Variants in KCNH8 observed in about 807,000 individuals in gnomAD.
KCNH8 encodes voltage-gated delayed rectifier potassium channel KCNH8.
A neutral mutation model predicts 103.6 loss-of-function variants in KCNH8; 70 were observed. The ratio of observed to expected loss-of-function variants is 0.68; its 90% CI spans 0.56 to 0.82. The LOEUF is 0.82. KCNH8 is among the 40% of genes least tolerant of loss of function. KCNH8 has a pLI of 0.00. For missense variants in KCNH8, 1,217 were observed against 1,329.9 expected, an observed-to-expected ratio of 0.92 and a Z score of 1.32; for synonymous variants, 498 against 489.4, an observed-to-expected ratio of 1.02 and a Z score of -0.23.
intron 7 of KCNH8, among the ~76,000 whole-genome samples, chr3:19,422,905 C>T (rs768008207): frequency 7.2e-5 from 11 of 151,974 alleles, no homozygotes; most frequent in Non-Finnish European, 1.3e-4. Flanking sequence ...AAATGAAAAA[C>T]GGATAACCTA....
At chr3:19,486,243 G>C (rs2068205327) in intron 11 of KCNH8, among the ~76,000 whole-genome samples, 1 of 152,218 alleles carries the variant, frequency 6.6e-6, no homozygotes, top group Admixed American at 6.5e-5. Context: ...TGCTCAACCA[G>C]CCTTTCTGAT....
intron 8 of KCNH8, among the ~76,000 whole-genome samples, chr3:19,444,686 G>GA (rs200506005): frequency 0.017 from 2,547 of 151,446 alleles, 80 homozygotes; most frequent in African/African-American, 0.059. Flanking sequence ...GCAAAAGCTT[G>GA]AAAAAAACAC....
intron 11 of KCNH8, among the ~76,000 whole-genome samples, chr3:19,506,893 TCTTTC>T (rs1207846861): frequency 6.6e-6 from 1 of 152,024 alleles, no homozygotes; most frequent in African/African-American, 2.4e-5. Context: ...CAGACTGGCC[TCTTTC>T]CTTAGGGCAA....
intron 8 of KCNH8, among the ~76,000 whole-genome samples, chr3:19,448,114 T>A (rs2067389837): frequency 6.6e-6 from 1 of 151,964 alleles, no homozygotes; most frequent in African/African-American, 2.4e-5. Flanking sequence ...GAAAATTACA[T>A]AAACTGAGCA....
chr3:19,226,486 C>T (rs541667616), intron 1 of KCNH8, among the ~76,000 whole-genome samples: 1 of 152,174 alleles, frequency 6.6e-6, no homozygotes, highest in East Asian at 1.9e-4. Flanking sequence ...AAGGTCTTGA[C>T]AGTAAGAGAC....
chr3:19,280,979 ATACT>A (rs2064749145), intron 2 of KCNH8, among the ~76,000 whole-genome samples: 1 of 152,114 alleles, frequency 6.6e-6, no homozygotes, highest in Non-Finnish European at 1.5e-5. Context: ...TTTGTTTAAA[ATACT>A]TCTTTATTTT....
At chr3:19,237,856 A>G (rs2064085682) in intron 1 of KCNH8, among the ~76,000 whole-genome samples, 2 of 152,232 alleles carry the variant, frequency 1.3e-5, no homozygotes, top group Admixed American at 6.5e-5. Flanking sequence ...TTACATATCC[A>G]TTGCTTAAGA....
intron 3 of KCNH8, among the ~76,000 whole-genome samples, chr3:19,288,328 A>G (rs2064866591): frequency 6.6e-6 from 1 of 151,222 alleles, no homozygotes; most frequent in Non-Finnish European, 1.5e-5. Flanking sequence ...TGCTGCACCC[A>G]TTAACTCGTC....
At chr3:19,172,833 C>T (rs1482474015) in intron 1 of KCNH8, among the ~76,000 whole-genome samples, 1 of 152,078 alleles carries the variant, frequency 6.6e-6, no homozygotes, top group Non-Finnish European at 1.5e-5. Context: ...TTCCCCCTTC[C>T]CCCCACCAGT....
intron 1 of KCNH8, among the ~76,000 whole-genome samples, chr3:19,226,213 G>A (rs1047500727): frequency 6.6e-6 from 1 of 152,166 alleles, no homozygotes; most frequent in African/African-American, 2.4e-5. Context: ...TGGCAAAACA[G>A]CTTTAGGCAA....
At chr3:19,336,907 G>A (rs1374399022) in intron 3 of KCNH8, among the ~76,000 whole-genome samples, 1 of 151,944 alleles carries the variant, frequency 6.6e-6, no homozygotes, top group East Asian at 1.9e-4. Flanking sequence ...AACCTAAAAT[G>A]ACAACTGGAG....
At chr3:19,490,736 T>C (rs181129403) in intron 11 of KCNH8, among the ~76,000 whole-genome samples, 179 of 152,302 alleles carry the variant, frequency 1.2e-3, no homozygotes, top group African/African-American at 4.2e-3. Flanking sequence ...CCCTGGGCAA[T>C]AGTGTTTCTA....
At chr3:19,417,716 C>A (rs574018136) in intron 7 of KCNH8, among the ~76,000 whole-genome samples, 46 of 152,086 alleles carry the variant, frequency 3.0e-4, no homozygotes, top group South Asian at 1.9e-3. Flanking sequence ...CTTTGGAATG[C>A]ATGACAAGTT....
intron 7 of KCNH8, among the ~76,000 whole-genome samples, chr3:19,409,343 G>A (rs1397519750): frequency 1.3e-5 from 2 of 151,698 alleles, no homozygotes; most frequent in East Asian, 3.9e-4. Context: ...CACTACACCT[G>A]CCTTACAAGA....
intron 1 of KCNH8, 44 bp downstream of exon 1, chr3:19,148,839 T>G (rs981153963): frequency 3.9e-6 from 6 of 1,540,342 alleles, no homozygotes; most frequent in Middle Eastern, 3.4e-4. Flanking sequence ...TTTCTGAGAC[T>G]GATTTTTCTC....
At chr3:19,178,874 CACTT>C (rs1485266792) in intron 1 of KCNH8, among the ~76,000 whole-genome samples, 1 of 152,092 alleles carries the variant, frequency 6.6e-6, no homozygotes, top group Admixed American at 6.6e-5. Context: ...ATTCTGTCCT[CACTT>C]AGGCTCACTC....
chr3:19,394,947 T>C (rs2066492476), intron 6 of KCNH8, among the ~76,000 whole-genome samples, 157 bp from the exon 7 acceptor site: 1 of 152,092 alleles, frequency 6.6e-6, no homozygotes, highest in Admixed American at 6.6e-5. Context: ...ATTCTATCAC[T>C]TTCTGATATA....
intron 1 of KCNH8, among the ~76,000 whole-genome samples, chr3:19,181,991 A>G (rs1225462759): frequency 6.6e-6 from 1 of 152,208 alleles, no homozygotes; most frequent in Non-Finnish European, 1.5e-5. Context: ...AAATGACCAA[A>G]TTCCTGGGTA....
chr3:19,490,963 T>C (rs184096062), intron 11 of KCNH8, among the ~76,000 whole-genome samples: 176 of 152,318 alleles, frequency 1.2e-3, no homozygotes, highest in Non-Finnish European at 2.1e-3. Context: ...CTGTGGTCAC[T>C]TCTAGCTTTA....
Sources: gnomAD v4.1 joint callset for allele counts (sites outside exome capture counted in the v4.1 genomes callset) on GRCh38, gnomAD v4.1.1 for gene constraint, MANE v1.5 for transcripts, NCBI Gene and HGNC (gene_info 2026-07-23, HGNC 2026-07-21) for gene names.